ADH1B: variants seen among roughly 807,000 people sequenced by gnomAD.
The protein encoded by ADH1B is all-trans-retinol dehydrogenase [NAD(+)] ADH1B.
In ADH1B, 29 loss-of-function variants were observed where a neutral mutation model predicts 34.6. The observed-to-expected ratio is 0.84, with a 90% CI of 0.62 to 1.14. The LOEUF is 1.14. Among genes scored for constraint, ADH1B ranks in the 50% most tolerant of loss-of-function variants. ADH1B has a pLI of 0.00. For synonymous variants in ADH1B, 170 were observed against 175.5 expected (o/e 0.97, Z 0.25); for missense variants, 424 against 468.4 (o/e 0.91, Z 0.87).
In ADH1B at chr4:99,307,864, A is replaced by T; in HGVS notation, c.1104T>A (p.Ser368Arg). Reference protein sequence around the residue: ...EGFDLLHSGKSIRTVLTF With the variant: ...EGFDLLHSGKRIRTVLTF The stretch of plus-strand genomic sequence containing the variant: ...CTCAAAACGTCAGGACGGTACGGAT[A>T]CTGCAATAGGAAAGAAGAGACATTG... The change falls in exon 9 of 9, where the codon AGT becomes AGA. Residue 368 changes from serine (S) to arginine (R), a missense_variant and splice_region_variant. Ser to Arg is a moderately radical substitution (Grantham distance 110). Coordinates refer to ENST00000305046, the MANE Select transcript of ADH1B (RefSeq NM_000668.6). The T allele has an allele frequency of 1.2e-6, 2 of 1,614,004 alleles. No homozygotes were observed. The highest frequency in any genetic ancestry group is 1.1e-5 in the South Asian group (1 of 91,074).
chr4:99,314,285 T>C (rs1266277486), intron 5 of ADH1B: 2 of 797,786 alleles, frequency 2.5e-6, no homozygotes, highest in East Asian at 2.7e-5. Flanking sequence ...AACTGATGCA[T>C]ATTAGATTCA....
In ADH1B at chr4:99,307,816, A is replaced by G; in HGVS notation, c.*24T>C. On this transcript the variant is annotated 3_prime_UTR_variant, in exon 9 of 9. Transcript: ENST00000305046. Reference sequence around the variant, plus strand: ...AGGGTAGAGGAGGCTGAAGACTGCTACAGGGGAAGGCATCTCTATTGCCTC... The same window carrying G: ...AGGGTAGAGGAGGCTGAAGACTGCTGCAGGGGAAGGCATCTCTATTGCCTC... The G allele has an allele frequency of 6.2e-7, 1 of 1,613,480 alleles. No homozygotes were observed.
At chr4:99,314,275 A>G in intron 5 of ADH1B, 194 bp from the exon 6 acceptor site, 2 of 870,272 alleles carry the variant, frequency 2.3e-6, no homozygotes, top group South Asian at 3.7e-5. Context: ...GTGGTTTTCA[A>G]ACTGATGCAT....
chr4:99,318,947 G>A (rs1377543856), intron 1 of ADH1B, 61 bp from the exon 2 acceptor site: 1 of 1,547,396 alleles, frequency 6.5e-7, no homozygotes. Context: ...CATAAGTTGT[G>A]TCTTTTCATC....
rs189677818 is a variant in ADH1B, at chr4:99,313,120, G to A, written c.828+701C>T. On this transcript the variant is annotated intron_variant, in intron 6 of 8. Transcript: ENST00000305046. The stretch of plus-strand genomic sequence containing the variant: ...TGGCTCACTGCAACCTCCGCCTCCT[G>A]GGTTCAAGTGATTCTCTTGCCTCAG... Among the ~76,000 whole-genome samples, 305 of 151,310 alleles carry A rather than the reference G, an allele frequency of 2.0e-3. 1 individual carries two copies. The highest frequency in any genetic ancestry group is 3.0e-3 in the Non-Finnish European group (207 of 67,874).
chr4:99,316,076 C>A lies in ADH1B; in HGVS notation c.389G>T (p.Arg130Met), dbSNP rs1209720675. 1 of 1,614,176 alleles carries A rather than the reference C, an allele frequency of 6.2e-7. No individual in the cohort carries two copies. Among genetic ancestry groups the A allele is most frequent in the Non-Finnish European group, 8.5e-7 (1 of 1,180,022 alleles). ...AATGGGCTTCCCCCTGCAGGTGAAC[C>A]TCCTGGTGCCATCCTGCAGGGTCCC... ...PRGTLQDGTR[R>M]FTCRGKPIHH... The change falls in exon 5 of 9, where the codon AGG becomes ATG. Residue 130 changes from arginine to methionine, a missense_variant. Around this residue, in one of 3 missense-constraint regions of ADH1B, gnomAD observed 291 missense variants for 300.4 expected, o/e 0.97. Transcript: ENST00000305046.
chr4:99,308,681 CAT>C (rs2110628660), intron 8 of ADH1B, among the ~76,000 whole-genome samples: 1 of 151,920 alleles, frequency 6.6e-6, no homozygotes, highest in Non-Finnish European at 1.5e-5. Context: ...TAATTTTTAA[CAT>C]ATATATGTAT....
In ADH1B at chr4:99,315,904, A is replaced by T. The variant is rs1292863335; in HGVS notation, c.561T>A (p.Val187=). The T allele has an allele frequency of 6.2e-7, 1 of 1,614,210 alleles. No individual in the cohort carries two copies. The highest frequency in any genetic ancestry group is 1.1e-5 in the South Asian group (1 of 91,080). Residue 187 remains valine (V), a synonymous_variant, in exon 5 of 9, where the codon GTT becomes GTA. Coordinates refer to ENST00000305046, the MANE Select transcript of ADH1B (RefSeq NM_000668.6). ...FSTGYGSAVN[V]AKVTPGSTCA... Reference sequence around the variant, plus strand: ...CACCCATTGTCATTCTCACCTTGGCAACGTTAACTGCAGACCCATAACCAG... The same window carrying T: ...CACCCATTGTCATTCTCACCTTGGCTACGTTAACTGCAGACCCATAACCAG...
intron 5 of ADH1B, 176 bp downstream of exon 5, chr4:99,315,722 C>T: frequency 1.4e-6 from 1 of 736,550 alleles, no homozygotes; most frequent in Non-Finnish European, 2.2e-6. Flanking sequence ...TTTTTATCTG[C>T]AATAAATTGG....
At chr4:99,311,428 A>T in intron 7 of ADH1B, 93 bp downstream of exon 7, 1 of 1,400,652 alleles carries the variant, frequency 7.1e-7, no homozygotes, top group Non-Finnish European at 9.7e-7. Context: ...TTGCCTTGTC[A>T]ATTGTAAAAG....
intron 5 of ADH1B, chr4:99,314,304 GC>G: frequency 1.4e-6 from 1 of 711,082 alleles, no homozygotes; most frequent in Non-Finnish European, 2.2e-6. Flanking sequence ...CATCTGGGGA[GC>G]TTTACAAAAT....
At chr4:99,315,711 C>G (rs879121771) in intron 5 of ADH1B, 187 bp downstream of exon 5, 6 of 706,726 alleles carry the variant, frequency 8.5e-6, no homozygotes, top group Admixed American at 3.0e-5. Context: ...TTCGTAACAA[C>G]TTTTTATCTG....
chr4:99,312,196 T>G (rs1367045374), intron 6 of ADH1B, among the ~76,000 whole-genome samples: 1 of 152,214 alleles, frequency 6.6e-6, no homozygotes, highest in African/African-American at 2.4e-5. Context: ...TGGTTAAAGA[T>G]CCCCGTAGGA....
At chr4:99,314,292 T>C in intron 5 of ADH1B, 1 of 759,058 alleles carries the variant, frequency 1.3e-6, no homozygotes, top group Non-Finnish European at 2.1e-6. Flanking sequence ...GCATATTAGA[T>C]TCATCTGGGG....
intron 1 of ADH1B, chr4:99,319,493 C>T (rs564279881): frequency 1.9e-5 from 3 of 160,392 alleles, no homozygotes; most frequent in African/African-American, 7.2e-5. Flanking sequence ...GTTTTGTAAT[C>T]TAATTTATGT....
chr4:99,308,947 C>A (rs1733681744), intron 8 of ADH1B, among the ~76,000 whole-genome samples: 1 of 151,512 alleles, frequency 6.6e-6, no homozygotes, highest in African/African-American at 2.4e-5. Flanking sequence ...TGCACATGTA[C>A]CCTAAAACTT....
At position 99,311,599 on chromosome 4, in the gene ADH1B, G is replaced by T; in HGVS notation, c.886C>A (p.Pro296Thr). The T allele has an allele frequency of 6.2e-7, 1 of 1,614,018 alleles. No homozygotes were observed. The highest frequency in any genetic ancestry group is 8.5e-7 in the Non-Finnish European group (1 of 1,179,946). ...ATTGAGAGGTTCTGGGAAGCAGGAG[G>T]TACCCCTACGATGACGCTTGTGCCA... The part of the protein sequence containing the change: ...ACGTSVIVGV[P>T]PASQNLSINP... The change falls in exon 7 of 9, where the codon CCT becomes ACT. Residue 296 changes from proline (P) to threonine (T), a missense_variant. Around this residue, in one of 3 missense-constraint regions of ADH1B, gnomAD observed 130 missense variants for 151.8 expected, o/e 0.86. Coordinates refer to ENST00000305046, the MANE Select transcript of ADH1B (RefSeq NM_000668.6).
rs1163867492 is a variant in ADH1B at position 99,315,951 on chromosome 4, G to A, written c.514C>T (p.Leu172Phe). ...CCAGTCGAGAATCCACAGCCAATGA[G>A]GCAGACTTTCTCCAGGGGCGAGGCT... ...DAASPLEKVC[L>F]IGCGFSTGYG... The change falls in exon 5 of 9, where the codon CTC becomes TTC. Residue 172 changes from leucine (L) to phenylalanine (F), a missense_variant. Leu to Phe is a conservative substitution (Grantham distance 22, BLOSUM62 0). This residue lies in a region of ADH1B where 291 missense variants were observed against 300.4 expected (regional missense o/e 0.97). Coordinates refer to ENST00000305046, the MANE Select transcript of ADH1B (RefSeq NM_000668.6). 2.5e-6 allele frequency: 4 copies of A among 1,614,156 alleles called. No homozygotes were observed. Among genetic ancestry groups the A allele is most frequent in the Admixed American group, 3.3e-5 (2 of 60,016 alleles).
chr4:99,308,507 A>T (rs150107478), intron 8 of ADH1B, among the ~76,000 whole-genome samples: 1 of 151,956 alleles, frequency 6.6e-6, no homozygotes, highest in South Asian at 2.1e-4. Flanking sequence ...ATGTTTAAGG[A>T]TTTGTAGAAG....
Sources: allele counts gnomAD v4.1 joint callset (sites outside exome capture counted in the v4.1 genomes callset), GRCh38; gene constraint gnomAD v4.1.1; regional missense constraint gnomAD v4.1.1; transcripts MANE v1.5; gene names NCBI Gene and HGNC (gene_info 2026-07-23, HGNC 2026-07-21).